DHRSX: variants seen among roughly 807,000 people sequenced by gnomAD.
The protein encoded by DHRSX is dehydrogenase/reductase X-linked, also known as polyprenol dehydrogenase.
In DHRSX, 31 loss-of-function variants were observed where a neutral mutation model predicts 34.0. The observed-to-expected ratio is 0.91, with a 90% CI of 0.69 to 1.23. The LOEUF (loss-of-function observed/expected upper bound fraction) is 1.23, where lower values mean the gene tolerates loss of function less well. DHRSX is among the 50% of genes most tolerant of loss of function. The pLI, the probability that DHRSX is intolerant of heterozygous loss-of-function variation, is 0.00. For missense variants in DHRSX, 414 were observed against 428.1 expected, an observed-to-expected ratio of 0.97 and a Z score of 0.29; for synonymous variants, 201 against 183.8, an observed-to-expected ratio of 1.09 and a Z score of -0.76.
At chrX:2,482,319 A>AGGTCTCAGTATGTTGACCAGGCT (rs2044786490) in intron 1 of DHRSX, among the ~76,000 whole-genome samples, 2 of 151,996 alleles carry the variant, frequency 1.3e-5, no homozygotes, top group Non-Finnish European at 2.9e-5. Flanking sequence ...ACTAGAGACA[A>AGGTCTCAGTATGTTGACCAGGCT]GGTCTCAGTA....
chrX:2,371,404 A>ATTACCATAGACACTCCTTCCG (rs752416128), intron 3 of DHRSX, among the ~76,000 whole-genome samples: 1 of 142,592 alleles, frequency 7.0e-6, no homozygotes, highest in South Asian at 2.2e-4. Context: ...CCCTTCTCAC[A>ATTACCATAGACACTCCTTCCG]TTACCATAGT....
intron 1 of DHRSX, among the ~76,000 whole-genome samples, chrX:2,439,240 T>C (rs2044034649): frequency 6.6e-6 from 1 of 151,910 alleles, no homozygotes; most frequent in Non-Finnish European, 1.5e-5. Context: ...TAAGAGGTCA[T>C]TCATTTCAGG....
chrX:2,355,420 G>A (rs2042836598), intron 3 of DHRSX, among the ~76,000 whole-genome samples: 1 of 148,740 alleles, frequency 6.7e-6, no homozygotes, highest in Non-Finnish European at 1.5e-5. Context: ...GCTGAGGTGG[G>A]ACGATGTCTT....
chrX:2,347,076 T>C (rs1389733540), intron 3 of DHRSX, among the ~76,000 whole-genome samples: 3 of 152,118 alleles, frequency 2.0e-5, no homozygotes, highest in Non-Finnish European at 4.4e-5. Flanking sequence ...TAGATAAGGA[T>C]GGATAAATAA....
chrX:2,238,954 C>G (rs2016079553), intron 6 of DHRSX, among the ~76,000 whole-genome samples: 2 of 152,122 alleles, frequency 1.3e-5, no homozygotes, highest in African/African-American at 4.8e-5. Flanking sequence ...AATACATACA[C>G]AGCAATACAG....
chrX:2,445,026 G>T (rs969395944), intron 1 of DHRSX, among the ~76,000 whole-genome samples: 2 of 151,802 alleles, frequency 1.3e-5, no homozygotes, highest in Non-Finnish European at 2.9e-5. Context: ...GCCTGGTGGC[G>T]GACACCGGTA....
At chrX:2,221,591 T>C (rs909046434) in intron 6 of DHRSX, among the ~76,000 whole-genome samples, 21 of 152,194 alleles carry the variant, frequency 1.4e-4, no homozygotes, top group East Asian at 5.8e-4. Flanking sequence ...GCTTGGCTTC[T>C]GTATTTAATA....
intron 1 of DHRSX, among the ~76,000 whole-genome samples, chrX:2,433,526 G>A (rs2043954024): frequency 1.3e-5 from 2 of 151,974 alleles, no homozygotes; most frequent in African/African-American, 4.8e-5. Context: ...CATGCATTAG[G>A]TATTTGTCCT....
intron 3 of DHRSX, among the ~76,000 whole-genome samples, chrX:2,331,464 T>TTTTTTTTTTTTTTC (rs2042476129): frequency 7.7e-6 from 1 of 130,666 alleles, no homozygotes; most frequent in Non-Finnish European, 1.6e-5. Flanking sequence ...TTTTTTTTTT[T>TTTTTTTTTTTTTTC]GAGACGGAGT....
At chrX:2,484,261 C>G (rs1475217662) in intron 1 of DHRSX, among the ~76,000 whole-genome samples, 3 of 152,194 alleles carry the variant, frequency 2.0e-5, no homozygotes, top group Admixed American at 2.0e-4. Context: ...ATGTGAGCCA[C>G]CACACCCAGC....
chrX:2,402,087 G>C (rs1457614804), intron 3 of DHRSX, among the ~76,000 whole-genome samples: 1 of 152,162 alleles, frequency 6.6e-6, no homozygotes, highest in Non-Finnish European at 1.5e-5. Flanking sequence ...AAGGCAGGAG[G>C]GGAAAGCAGG....
chrX:2,252,109 G>C (rs187226123), intron 5 of DHRSX, among the ~76,000 whole-genome samples: 47 of 152,062 alleles, frequency 3.1e-4, no homozygotes, highest in African/African-American at 1.1e-3. Flanking sequence ...GTGGTGGCAG[G>C]TGCCTGTAAT....
chrX:2,401,422 T>C (rs1375786887), intron 3 of DHRSX, among the ~76,000 whole-genome samples: 1 of 152,180 alleles, frequency 6.6e-6, no homozygotes, highest in Non-Finnish European at 1.5e-5. Flanking sequence ...GGAAGCTAAA[T>C]GAATCAGAAG....
At chrX:2,353,532 G>C (rs1433147015) in intron 3 of DHRSX, among the ~76,000 whole-genome samples, 1 of 151,664 alleles carries the variant, frequency 6.6e-6, no homozygotes, top group South Asian at 2.1e-4. Flanking sequence ...ATAGTTGAAG[G>C]AGTCAGAAGA....
chrX:2,323,473 T>G (rs370627556), intron 3 of DHRSX, among the ~76,000 whole-genome samples: 1 of 152,060 alleles, frequency 6.6e-6, no homozygotes, highest in Non-Finnish European at 1.5e-5. Flanking sequence ...AGAATAGATA[T>G]GTTTTTTGGC....
rs374357149 is a variant in DHRSX at position 2,425,157 on chromosome X, C to A, written c.217+40G>T. 1.3e-4 allele frequency: 198 copies of A among 1,488,032 alleles called. 1 individual carries two copies. The African/African-American group carries it at 2.4e-3, about 18-fold the overall frequency. 92.2% of individuals were successfully genotyped at this position (1,488,032 alleles called of 1,614,324 possible). A position where few individuals can be genotyped will look rare whatever the true frequency, so the allele number is the denominator to read the frequency against. On this transcript the variant is annotated intron_variant, in intron 2 of 6. Transcript: ENST00000334651. ...TCCTGTCTCAGAAAAAAAAAAAAAC[C>A]GAAAAAACAAAAAACACAAGTAACT...
In DHRSX at chrX:2,442,075, A is replaced by G. The variant is rs189762938; in HGVS notation, c.110-16771T>C. On this transcript the variant is annotated intron_variant, in intron 1 of 6. Transcript: ENST00000334651. ...TATTTTGTATTTATATATATTATAT[A>G]CTACATTCTCAACACATGTTTGTAT... Among the ~76,000 whole-genome samples, 30 of 152,316 alleles carry G rather than the reference A, an allele frequency of 2.0e-4. No individual in the cohort carries two copies. In the East Asian group the frequency reaches 5.4e-3, roughly 27 times the overall value.
chrX:2,324,440 T>C (rs1159534400), intron 3 of DHRSX, among the ~76,000 whole-genome samples: 56 of 152,118 alleles, frequency 3.7e-4, no homozygotes, highest in African/African-American at 1.3e-3. Flanking sequence ...GGCATTTTTC[T>C]AAGAAACACT....
chrX:2,481,691 C>T (rs1331423517), intron 1 of DHRSX, among the ~76,000 whole-genome samples: 3 of 151,974 alleles, frequency 2.0e-5, no homozygotes, highest in Non-Finnish European at 4.4e-5. Flanking sequence ...ATCCACACTG[C>T]AGCATGGACC....
Sources: gnomAD v4.1 joint callset for allele counts (sites outside exome capture counted in the v4.1 genomes callset) on GRCh38, gnomAD v4.1.1 for gene constraint, MANE v1.5 for transcripts, NCBI Gene and HGNC (gene_info 2026-07-23, HGNC 2026-07-21) for gene names.